The following PRXL2C variants were observed in gnomAD, a reference collection of about 807,000 sequenced individuals.
PRXL2C encodes peroxiredoxin-like 2C.
In PRXL2C, 38 loss-of-function variants were observed where a neutral mutation model predicts 24.9. That is an observed-to-expected ratio of 1.53 (90% CI 1.18 to 2.00). The LOEUF is 2.00. Among genes scored for constraint, PRXL2C ranks in the 30% most tolerant of loss-of-function variants. PRXL2C has a pLI of 0.00. For synonymous variants in PRXL2C, 98 were observed against 117.2 expected (o/e 0.84, Z 1.06); for missense variants, 294 against 290.9 (o/e 1.01, Z -0.08).
intron 4 of PRXL2C, 100 bp from the exon 5 acceptor site, chr9:96,646,124 A>G (rs752938237): frequency 1.5e-6 from 2 of 1,291,816 alleles, no homozygotes; most frequent in East Asian, 2.6e-5. Context: ...TCCTTTAAAG[A>G]ATGGTTTCTC....
In PRXL2C at chr9:96,639,683, T is replaced by C. The variant is rs1468554649; in HGVS notation, c.*2076A>G. 6.6e-6 allele frequency: 1 copy of C among 152,240 alleles called. No individual in the cohort carries two copies. Among genetic ancestry groups the C allele is most frequent in the African/African-American group, 2.4e-5 (1 of 41,468 alleles). The allele number at this position is 152,240 out of a possible 1,614,324, so 9.4% of individuals were successfully genotyped here. A position where few individuals can be genotyped will look rare whatever the true frequency, so the allele number is the denominator to read the frequency against. ...TTTTTTTGTAACTTTATATGCTTCA[T>C]ATAAAAGTACTGAGTTCAAAGCAGT... is the stretch of plus-strand genomic sequence containing the variant. On this transcript the variant is annotated 3_prime_UTR_variant, in exon 6 of 6. Coordinates refer to ENST00000375234, the MANE Select transcript of PRXL2C (RefSeq NM_153698.2).
At chr9:96,649,277 T>C (rs1354298553) in intron 4 of PRXL2C, among the ~76,000 whole-genome samples, 1 of 151,174 alleles carries the variant, frequency 6.6e-6, no homozygotes, top group African/African-American at 2.5e-5. Context: ...AAAACATCTA[T>C]AAAGGAGCCG....
chr9:96,648,677 T>C (rs985128287), intron 4 of PRXL2C, among the ~76,000 whole-genome samples: 10 of 152,226 alleles, frequency 6.6e-5, no homozygotes, highest in African/African-American at 2.4e-4. Flanking sequence ...TATATTCAAC[T>C]TAGTATTCAT....
intron 5 of PRXL2C, 117 bp downstream of exon 5, chr9:96,645,776 G>T: frequency 8.2e-7 from 1 of 1,216,336 alleles, no homozygotes; most frequent in Non-Finnish European, 1.1e-6. Context: ...CAGCCTTGGC[G>T]ACAGAGCGAG....
intron 4 of PRXL2C, among the ~76,000 whole-genome samples, chr9:96,647,153 G>A (rs948522680): frequency 1.5e-4 from 23 of 152,092 alleles, no homozygotes; most frequent in African/African-American, 5.3e-4. Flanking sequence ...TGAGACATGG[G>A]GGCTTAGCTG....
chr9:96,654,886 G>C, intron 1 of PRXL2C, 113 bp from the exon 2 acceptor site: 4 of 1,243,370 alleles, frequency 3.2e-6, no homozygotes, highest in Non-Finnish European at 4.3e-6. Flanking sequence ...CCGCGGGGCC[G>C]GGACCGGCGG....
At chr9:96,651,128 A>C (rs1449722512) in intron 4 of PRXL2C, among the ~76,000 whole-genome samples, 1 of 152,160 alleles carries the variant, frequency 6.6e-6, no homozygotes, top group African/African-American at 2.4e-5. Context: ...AATATAAAAA[A>C]TTAGCTGGGC....
At position 96,651,448 on chromosome 9, in the gene PRXL2C, A is replaced by C. The variant is rs1196137844; in HGVS notation, c.363T>G (p.Pro121=). The C allele has an allele frequency of 6.2e-7, 1 of 1,613,568 alleles. No homozygotes were observed. Among genetic ancestry groups the C allele is most frequent in the Non-Finnish European group, 8.5e-7 (1 of 1,179,890 alleles). ...CCAATCTTTTATAAATTTCTCTCTC[A>C]GGATCGACATAGATTTCATGAGAAT... ...TGYSHEIYVD[P]EREIYKRLGM... The change falls in exon 4 of 6, where the codon CCT becomes CCG. Residue 121 remains proline, a synonymous_variant. Coordinates refer to ENST00000375234, the MANE Select transcript of PRXL2C (RefSeq NM_153698.2).
In PRXL2C at chr9:96,642,602, G is replaced by A. The variant is rs574190338; in HGVS notation, c.554-716C>T. Among the ~76,000 whole-genome samples the A allele has an allele frequency of 1.5e-4, 23 of 150,122 alleles. No individual in the cohort carries two copies. In the South Asian group the frequency reaches 4.4e-3, roughly 29 times the overall value. ...CGCTTTGTCGCCAGGCTGGAGTGCA[G>A]TGGCATGATCTCGGCTCACTGCAAC... On this transcript the variant is annotated intron_variant, in intron 5 of 5. Coordinates refer to ENST00000375234, the MANE Select transcript of PRXL2C (RefSeq NM_153698.2).
chr9:96,644,901 T>TTTTC (rs1848171708), intron 5 of PRXL2C, among the ~76,000 whole-genome samples: 1 of 112,488 alleles, frequency 8.9e-6, no homozygotes, highest in African/African-American at 3.7e-5. Context: ...TTTTTTTTTT[T>TTTTC]TTTTTTTTTT....
At chr9:96,644,056 C>T (rs1265559678) in intron 5 of PRXL2C, among the ~76,000 whole-genome samples, 1 of 151,010 alleles carries the variant, frequency 6.6e-6, no homozygotes, top group Non-Finnish European at 1.5e-5. Context: ...TCGCTTGATC[C>T]CGGGAGGCGG....
chr9:96,645,772 T>C (rs552192991), intron 5 of PRXL2C, 121 bp downstream of exon 5: 5 of 1,189,252 alleles, frequency 4.2e-6, no homozygotes, highest in Middle Eastern at 3.1e-4. Context: ...ACTCCAGCCT[T>C]GGCGACAGAG....
chr9:96,648,803 C>T (rs1848229482), intron 4 of PRXL2C, among the ~76,000 whole-genome samples: 3 of 151,740 alleles, frequency 2.0e-5, no homozygotes, highest in African/African-American at 4.8e-5. Context: ...GACAGAGTTT[C>T]GCTCTTGTTG....
At position 96,654,750 on chromosome 9, in the gene PRXL2C, C is replaced by A; in HGVS notation, c.216G>T (p.Lys72Asn). The A allele has an allele frequency of 6.4e-7, 1 of 1,567,062 alleles. No homozygotes were observed. The highest frequency in any genetic ancestry group is 2.3e-5 in the East Asian group (1 of 42,960). Residue 72 changes from lysine (K) to asparagine (N), a missense_variant, in exon 2 of 6, where the codon AAG becomes AAT. Physicochemically the swap from Lys to Asn is moderately conservative, Grantham distance 94 (BLOSUM62 0). Transcript: ENST00000375234. ...TTTTGGCCAGATCCTCTACGTATTC[C>A]TTGCAGATGTAACACAGGAAATGCT... Reference protein sequence around the residue: ...FVRHFLCYICKEYVEDLAKIP... With the variant: ...FVRHFLCYICNEYVEDLAKIP...
chr9:96,649,164 C>T (rs1051911571), intron 4 of PRXL2C, among the ~76,000 whole-genome samples: 5 of 152,172 alleles, frequency 3.3e-5, no homozygotes, highest in Non-Finnish European at 7.3e-5. Flanking sequence ...GGTTCACAAT[C>T]TGTACTGCTA....
chr9:96,646,956 A>G (rs1848207755), intron 4 of PRXL2C, among the ~76,000 whole-genome samples: 1 of 151,980 alleles, frequency 6.6e-6, no homozygotes, highest in East Asian at 1.9e-4. Context: ...ACGCCCGGCT[A>G]GTTTTCTATT....
chr9:96,646,797 AT>A (rs1248550962), intron 4 of PRXL2C, among the ~76,000 whole-genome samples: 1 of 150,532 alleles, frequency 6.6e-6, no homozygotes, highest in Non-Finnish European at 1.5e-5. Context: ...TTGAAAAAAA[AT>A]TTTTTTTTTG....
In PRXL2C at chr9:96,655,278, C is replaced by G; in HGVS notation, c.4G>C (p.Ala2Pro). The change falls in exon 1 of 6, where the codon GCC (alanine) becomes CCC (proline). Residue 2 changes from alanine (A) to proline (P), a missense_variant. Ala to Pro is a conservative substitution (Grantham distance 27, BLOSUM62 -1). Coordinates refer to ENST00000375234, the MANE Select transcript of PRXL2C (RefSeq NM_153698.2). M[A>P]APAPVTRQVS... ...TGCCGCGTGACCGGGGCCGGCGCGG[C>G]CATGACGCGGGGCGGCCGAGGGCCT... 9.4e-7 allele frequency: 1 copy of G among 1,065,980 alleles called. No homozygotes were observed. Among genetic ancestry groups the G allele is most frequent in the African/African-American group, 1.7e-5 (1 of 59,118 alleles). 66.0% of individuals were successfully genotyped at this position (1,065,980 alleles called of 1,614,324 possible). A position where few individuals can be genotyped will look rare whatever the true frequency, so the allele number is the denominator to read the frequency against.
chr9:96,652,818 G>A (rs947580357), intron 2 of PRXL2C, among the ~76,000 whole-genome samples: 1 of 152,120 alleles, frequency 6.6e-6, no homozygotes, highest in Non-Finnish European at 1.5e-5. Flanking sequence ...TTATTCAAAG[G>A]AAATGAAATC....
Sources: allele counts gnomAD v4.1 joint callset (sites outside exome capture counted in the v4.1 genomes callset), GRCh38; gene constraint gnomAD v4.1.1; transcripts MANE v1.5; gene names NCBI Gene and HGNC (gene_info 2026-07-23, HGNC 2026-07-21).